Variants in QRFPR observed in about 807,000 individuals in gnomAD.
QRFPR encodes the protein pyroglutamylated RF-amide peptide receptor.
QRFPR carries 37 observed loss-of-function variants against 31.3 expected under a neutral mutation model. That is an observed-to-expected ratio of 1.18 (90% confidence interval 0.91 to 1.56). The LOEUF is 1.56. QRFPR is among the 40% of genes most tolerant of loss of function. The pLI is 0.00. For synonymous variants in QRFPR, 197 were observed against 192.0 expected (o/e 1.03, Z -0.22); for missense variants, 542 against 532.5 (o/e 1.02, Z -0.18).
chr4:121,365,638 ATTTTATATATTATATAT>A (rs1726118256), intron 1 of QRFPR, among the ~76,000 whole-genome samples: 1 of 35,220 alleles, frequency 2.8e-5, no homozygotes, highest in Non-Finnish European at 4.5e-5. Context: ...TTATATATAT[ATTTTATATATTATATAT>A]TATATATATT....
intron 1 of QRFPR, among the ~76,000 whole-genome samples, chr4:121,375,526 T>G (rs140364842): frequency 6.6e-6 from 1 of 152,318 alleles, no homozygotes; most frequent in East Asian, 1.9e-4. Flanking sequence ...CTTTAGACTT[T>G]GGGCAGAGGA....
At chr4:121,374,161 C>T (rs576293446) in intron 1 of QRFPR, among the ~76,000 whole-genome samples, 2 of 152,086 alleles carry the variant, frequency 1.3e-5, no homozygotes, top group East Asian at 1.9e-4. Context: ...TGAATCCTTT[C>T]CAAATTCATC....
rs189424240 is a variant in QRFPR, at chr4:121,367,126, G to A, written c.340+13182C>T. Among the ~76,000 whole-genome samples the A allele has an allele frequency of 1.4e-4, 21 of 150,150 alleles. 1 individual carries two copies. Among genetic ancestry groups the A allele is most frequent in the Admixed American group, 3.3e-4 (5 of 15,092 alleles). Reference sequence around the variant, plus strand: ...CATGTCCATTATCAAGGGAGGTTCCGCTGGGGTGGGATAGGGAGTCAGGCA... The same window carrying A: ...CATGTCCATTATCAAGGGAGGTTCCACTGGGGTGGGATAGGGAGTCAGGCA... On this transcript the variant is annotated intron_variant, in intron 1 of 5. Transcript: ENST00000394427.
chr4:121,336,383 G>A (rs4273489), intron 3 of QRFPR, among the ~76,000 whole-genome samples: 43,578 of 152,066 alleles, frequency 0.29, 6,618 homozygotes, highest in Middle Eastern at 0.38. Flanking sequence ...TCAATGAATA[G>A]GAGGCAGGTA....
At chr4:121,380,229 GA>G in intron 1 of QRFPR, 78 bp downstream of exon 1, 1 of 984,392 alleles carries the variant, frequency 1.0e-6, no homozygotes, top group Non-Finnish European at 1.5e-6. Flanking sequence ...GAGAGAGAGA[GA>G]GAGAGAGAGA....
chr4:121,369,939 C>A, intron 1 of QRFPR: 2 of 767,200 alleles, frequency 2.6e-6, no homozygotes, highest in South Asian at 2.8e-5. Context: ...GTGGTGACAC[C>A]CTTGTGGGTG....
rs533716550 is a variant in QRFPR, at chr4:121,364,989, C to T, written c.340+15319G>A. 1.5e-3 allele frequency among the ~76,000 whole-genome samples: 219 copies of T among 149,932 alleles called. 13 individuals are homozygous for T. The highest frequency in any genetic ancestry group is 5.3e-3 in the African/African-American group (215 of 40,578). On this transcript the variant is annotated intron_variant, in intron 1 of 5. Transcript: ENST00000394427. Reference sequence around the variant, plus strand: ...GGAATTCTTTATGCTGAGCTCCATACAGCTGTTTTTTGGGGTTCCATTTAA... The same window carrying T: ...GGAATTCTTTATGCTGAGCTCCATATAGCTGTTTTTTGGGGTTCCATTTAA...
chr4:121,358,921 T>G (rs773142820), intron 1 of QRFPR, among the ~76,000 whole-genome samples: 4 of 152,128 alleles, frequency 2.6e-5, no homozygotes, highest in Non-Finnish European at 5.9e-5. Flanking sequence ...CACTAAAAGA[T>G]AGGTGATATT....
At chr4:121,334,953 A>T (rs1324727757) in intron 3 of QRFPR, among the ~76,000 whole-genome samples, 1 of 152,176 alleles carries the variant, frequency 6.6e-6, no homozygotes. Flanking sequence ...GAAATTTTCC[A>T]TAAAACCATC....
At chr4:121,358,114 C>T (rs56029221) in intron 1 of QRFPR, among the ~76,000 whole-genome samples, 15,799 of 152,038 alleles carry the variant, frequency 0.1, 949 homozygotes, top group Non-Finnish European at 0.13. Context: ...AGTCAAAATA[C>T]TTTTTAAAAA....
intron 1 of QRFPR, among the ~76,000 whole-genome samples, chr4:121,365,550 A>AAT (rs1158135023): frequency 6.3e-4 from 5 of 7,904 alleles, no homozygotes; most frequent in Non-Finnish European, 9.9e-4. Context: ...TATTATATAT[A>AAT]ATATATAATA....
chr4:121,341,780 A>G (rs1725547302), intron 1 of QRFPR, among the ~76,000 whole-genome samples: 1 of 152,124 alleles, frequency 6.6e-6, no homozygotes, highest in Non-Finnish European at 1.5e-5. Context: ...CTGAAATCTG[A>G]AACACCTCTG....
chr4:121,333,093 G>A (rs376848061), intron 3 of QRFPR, 37 bp from the exon 4 acceptor site: 15 of 1,406,710 alleles, frequency 1.1e-5, no homozygotes, highest in Non-Finnish European at 1.4e-5. Context: ...AGAACCAGTA[G>A]TCAGCATCAA....
intron 2 of QRFPR, among the ~76,000 whole-genome samples, chr4:121,337,829 C>T (rs1195650279): frequency 6.6e-6 from 1 of 152,136 alleles, no homozygotes; most frequent in Non-Finnish European, 1.5e-5. Flanking sequence ...TAATGATGTA[C>T]TCTTAGAAAA....
intron 1 of QRFPR, among the ~76,000 whole-genome samples, chr4:121,345,149 G>T (rs1014046861): frequency 6.6e-6 from 1 of 152,200 alleles, no homozygotes; most frequent in African/African-American, 2.4e-5. Context: ...GGTTAGGTAA[G>T]AACTCCTACT....
intron 3 of QRFPR, chr4:121,334,618 G>T: frequency 2.6e-6 from 1 of 391,942 alleles, no homozygotes; most frequent in Non-Finnish European, 5.1e-6. Context: ...TCAGGGTAAA[G>T]CCTGGCAGAG....
At chr4:121,341,538 A>G (rs1354876898) in intron 1 of QRFPR, among the ~76,000 whole-genome samples, 1 of 152,230 alleles carries the variant, frequency 6.6e-6, no homozygotes, top group Non-Finnish European at 1.5e-5. Flanking sequence ...TCTAAAACCC[A>G]AAGCTTTTTT....
At chr4:121,373,019 C>A (rs575983494) in intron 1 of QRFPR, among the ~76,000 whole-genome samples, 4 of 152,250 alleles carry the variant, frequency 2.6e-5, no homozygotes, top group Admixed American at 2.0e-4. Context: ...CTAAAACCAG[C>A]CCTAACTCTG....
At chr4:121,348,584 T>G (rs867799187) in intron 1 of QRFPR, among the ~76,000 whole-genome samples, 2 of 152,190 alleles carry the variant, frequency 1.3e-5, no homozygotes, top group Admixed American at 6.5e-5. Flanking sequence ...TTTCTTGTAT[T>G]TTACCTATAT....
Sources: allele counts gnomAD v4.1 joint callset (sites outside exome capture counted in the v4.1 genomes callset), GRCh38; gene constraint gnomAD v4.1.1; transcripts MANE v1.5; gene names NCBI Gene and HGNC (gene_info 2026-07-23, HGNC 2026-07-21).